AP3B1: variants seen among roughly 807,000 people sequenced by gnomAD.
AP3B1 encodes AP-3 complex subunit beta-1.
AP3B1 carries 61 observed loss-of-function variants against 132.5 expected under a neutral mutation model. That is an observed-to-expected ratio of 0.46 (90% CI 0.37 to 0.57). The LOEUF is 0.57. Among genes scored for constraint, AP3B1 ranks in the 20% least tolerant of loss-of-function variants. The pLI is 0.00. For missense variants in AP3B1, 1,120 were observed against 1,289.4 expected (o/e 0.87, Z 2.01); for synonymous variants, 388 against 438.3 (o/e 0.89, Z 1.43).
At chr5:78,234,876 G>C (rs903997124) in intron 3 of AP3B1, among the ~76,000 whole-genome samples, 1 of 152,158 alleles carries the variant, frequency 6.6e-6, no homozygotes, top group African/African-American at 2.4e-5. Context: ...GAACAGCAAA[G>C]TCTAGAAAGA....
intron 13 of AP3B1, 48 bp downstream of exon 13, chr5:78,162,771 A>G (rs1190708639): frequency 1.9e-6 from 3 of 1,601,236 alleles, no homozygotes; most frequent in Non-Finnish European, 2.6e-6. Context: ...AATACCAAGA[A>G]TATTCAAATT....
chr5:78,225,416 G>T, intron 6 of AP3B1, 126 bp downstream of exon 6: 1 of 512,350 alleles, frequency 2.0e-6, no homozygotes, highest in Non-Finnish European at 3.3e-6. Flanking sequence ...AAATAGTCCT[G>T]TGTGCCATTA....
rs2112607614 is a variant in AP3B1 at position 78,294,663 on chromosome 5, T to C, written c.-84A>G. 1.5e-5 allele frequency: 24 copies of C among 1,599,412 alleles called. 1 individual carries two copies. The highest frequency in any genetic ancestry group is 3.3e-4 in the Middle Eastern group (2 of 6,020). Reference sequence around the variant, plus strand: ...CAGTCCAGAGGGCACGGAACAAAACTAGTTCTCGTACGGAGGAGCGCGCGC... The same window carrying C: ...CAGTCCAGAGGGCACGGAACAAAACCAGTTCTCGTACGGAGGAGCGCGCGC... On this transcript the variant is annotated 5_prime_UTR_variant, in exon 1 of 27. Transcript: ENST00000255194.
chr5:78,067,211 A>G (rs79229372), intron 22 of AP3B1, among the ~76,000 whole-genome samples: 1,866 of 152,310 alleles, frequency 0.012, 39 homozygotes, highest in African/African-American at 0.042. Context: ...ATTCAACAAG[A>G]AGAGCTAATT....
At chr5:78,026,543 T>C (rs370358710) in intron 24 of AP3B1, among the ~76,000 whole-genome samples, 1 of 152,186 alleles carries the variant, frequency 6.6e-6, no homozygotes, top group Non-Finnish European at 1.5e-5. Context: ...AACCTACATA[T>C]GTAATAGGGA....
At chr5:78,193,480 T>C (rs1194958883) in intron 7 of AP3B1, among the ~76,000 whole-genome samples, 1 of 151,704 alleles carries the variant, frequency 6.6e-6, no homozygotes, top group Non-Finnish European at 1.5e-5. Flanking sequence ...GAAATCTACT[T>C]TATAGTAAGT....
At chr5:78,023,748 T>C (rs1747209174) in intron 24 of AP3B1, among the ~76,000 whole-genome samples, 1 of 151,932 alleles carries the variant, frequency 6.6e-6, no homozygotes, top group African/African-American at 2.4e-5. Context: ...AGATAAGGGA[T>C]AAAAAGAAGT....
intron 21 of AP3B1, among the ~76,000 whole-genome samples, chr5:78,096,691 T>C (rs960046417): frequency 1.3e-5 from 2 of 150,774 alleles, no homozygotes; most frequent in African/African-American, 4.9e-5. Flanking sequence ...GGAGCGTCTC[T>C]GCCCAGCCGC....
intron 20 of AP3B1, among the ~76,000 whole-genome samples, chr5:78,101,709 A>C (rs1223043890): frequency 1.3e-5 from 2 of 152,098 alleles, no homozygotes; most frequent in Middle Eastern, 3.2e-3. Context: ...TGTACTTACA[A>C]AATGTATATA....
At chr5:78,242,244 C>T (rs558573089) in intron 2 of AP3B1, among the ~76,000 whole-genome samples, 29 of 152,188 alleles carry the variant, frequency 1.9e-4, no homozygotes, top group Non-Finnish European at 3.5e-4. Flanking sequence ...TTACTCACTA[C>T]TAGAATATTC....
intron 7 of AP3B1, among the ~76,000 whole-genome samples, chr5:78,212,410 C>T (rs961850609): frequency 2.6e-5 from 4 of 152,032 alleles, no homozygotes; most frequent in Non-Finnish European, 5.9e-5. Context: ...TAAATGAATT[C>T]GGTATTACAG....
intron 22 of AP3B1, among the ~76,000 whole-genome samples, chr5:78,071,983 T>C (rs1329349815): frequency 6.6e-6 from 1 of 152,228 alleles, no homozygotes; most frequent in Non-Finnish European, 1.5e-5. Context: ...TTACAAGATA[T>C]TTTGTCAGGT....
intron 3 of AP3B1, among the ~76,000 whole-genome samples, chr5:78,236,054 TAAAC>T (rs1426434878): frequency 4.6e-5 from 7 of 151,978 alleles, no homozygotes; most frequent in African/African-American, 1.5e-4. Flanking sequence ...AAAAATAAAA[TAAAC>T]AAGGTATTTA....
intron 22 of AP3B1, among the ~76,000 whole-genome samples, chr5:78,084,978 T>C (rs1750175705): frequency 6.6e-6 from 1 of 152,240 alleles, no homozygotes; most frequent in South Asian, 2.1e-4. Context: ...TAAATTGTTT[T>C]TGCATACTTT....
chr5:78,096,951 G>A (rs1278452965), intron 21 of AP3B1, among the ~76,000 whole-genome samples: 1 of 143,710 alleles, frequency 7.0e-6, no homozygotes, highest in African/African-American at 2.6e-5. Context: ...CTGCCCAGCC[G>A]CCCCTACTGG....
At chr5:78,248,678 G>A (rs780039452) in intron 2 of AP3B1, among the ~76,000 whole-genome samples, 17 of 151,822 alleles carry the variant, frequency 1.1e-4, no homozygotes, top group South Asian at 2.1e-4. Flanking sequence ...TGATTGGTCC[G>A]CCTAAATATC....
chr5:78,282,948 G>C (rs540230119), intron 1 of AP3B1, among the ~76,000 whole-genome samples: 1 of 151,878 alleles, frequency 6.6e-6, no homozygotes, highest in Admixed American at 6.6e-5. Flanking sequence ...CCAGGAGTAA[G>C]CCATGATAGG....
intron 15 of AP3B1, among the ~76,000 whole-genome samples, chr5:78,136,947 T>C (rs537947478): frequency 6.6e-6 from 1 of 152,294 alleles, no homozygotes; most frequent in East Asian, 1.9e-4. Context: ...ATATGATTTG[T>C]CCAAAATCAT....
At chr5:78,126,341 C>G (rs992139579) in intron 17 of AP3B1, among the ~76,000 whole-genome samples, 7 of 151,464 alleles carry the variant, frequency 4.6e-5, no homozygotes, top group African/African-American at 1.7e-4. Flanking sequence ...CCCATCTCTA[C>G]TAAAAATACA....
Sources: gnomAD v4.1 joint callset for allele counts (sites outside exome capture counted in the v4.1 genomes callset) on GRCh38, gnomAD v4.1.1 for gene constraint, MANE v1.5 for transcripts, NCBI Gene and HGNC (gene_info 2026-07-23, HGNC 2026-07-21) for gene names.